The following PPM1F variants were observed in gnomAD, a reference collection of about 807,000 sequenced individuals.
PPM1F encodes the protein protein phosphatase, Mg2+/Mn2+ dependent 1F, also known as protein phosphatase 1F.
Under a neutral mutation model 35.5 loss-of-function variants are expected in PPM1F, and 17 were observed. The ratio of observed to expected loss-of-function variants is 0.48; its 90% CI spans 0.33 to 0.72. PPM1F has a LOEUF of 0.72. Ranked by LOEUF, PPM1F falls within the 30% of genes least tolerant of loss-of-function variation. The pLI, the probability that PPM1F is intolerant of heterozygous loss-of-function variation, is 0.02. For missense variants in PPM1F, 521 were observed against 613.0 expected (o/e 0.85, Z 1.59); for synonymous variants, 241 against 255.5 (o/e 0.94, Z 0.54).
chr22:21,925,533 C>T (rs370309919), intron 7 of PPM1F, 36 bp downstream of exon 7: 1 of 1,597,464 alleles, frequency 6.3e-7, no homozygotes, highest in African/African-American at 1.3e-5. Flanking sequence ...TTCCGAGAGA[C>T]CTTCTCCCAC....
In PPM1F at chr22:21,946,035, G is replaced by A. The variant is rs565255163; in HGVS notation, c.14C>T (p.Ala5Val). MSSG[A>V]PQKSSPMASG... Reference sequence around the variant, plus strand: ...GGCCATTGGGCTGCTCTTCTGTGGGGCTCCAGAGGACATGCCCAAAGCATC... The same window carrying A: ...GGCCATTGGGCTGCTCTTCTGTGGGACTCCAGAGGACATGCCCAAAGCATC... The change falls in exon 2 of 8, where the codon GCC becomes GTC. Residue 5 changes from alanine to valine, a missense_variant. Around this residue, in one of 3 missense-constraint regions of PPM1F, gnomAD observed 311 missense variants for 351.5 expected, o/e 0.88. Transcript: ENST00000263212. 8.4e-6 allele frequency: 13 copies of A among 1,545,926 alleles called. No individual in the cohort carries two copies. The South Asian group carries it at 1.5e-4, about 17-fold the overall frequency.
At chr22:21,933,737 C>T (rs548211608) in intron 4 of PPM1F, among the ~76,000 whole-genome samples, 158 bp from the exon 5 acceptor site, 3 of 152,236 alleles carry the variant, frequency 2.0e-5, no homozygotes, top group African/African-American at 7.2e-5. Context: ...AAGGACAGCT[C>T]GCGGGAGCCT....
At chr22:21,945,789 G>A (rs1319818791) in intron 2 of PPM1F, 54 bp downstream of exon 2, 20 of 1,561,204 alleles carry the variant, frequency 1.3e-5, no homozygotes, top group South Asian at 3.4e-5. Context: ...ATCCCTTGTC[G>A]GCCCTGGTGC....
intron 2 of PPM1F, chr22:21,945,458 A>G (rs1490107651): frequency 9.9e-6 from 2 of 201,378 alleles, no homozygotes; most frequent in East Asian, 1.5e-4. Context: ...AGGCACAGAC[A>G]CACACATGGG....
chr22:21,939,754 C>T lies in PPM1F; in HGVS notation c.207-74G>A. On this transcript the variant is annotated intron_variant, in intron 2 of 7. Coordinates refer to ENST00000263212, the MANE Select transcript of PPM1F (RefSeq NM_014634.4). The surrounding 1 kb of genome is among the most constrained non-coding windows in gnomAD (Gnocchi z 5.1). Reference sequence around the variant, plus strand: ...CACCTAGCCCCCCTTCCCCAACTGTCAGCCCACATGCTGAGGGGTCACGGC... The same window carrying T: ...CACCTAGCCCCCCTTCCCCAACTGTTAGCCCACATGCTGAGGGGTCACGGC... 6.6e-7 allele frequency: 1 copy of T among 1,523,358 alleles called. No individual in the cohort carries two copies. The highest frequency in any genetic ancestry group is 2.5e-5 in the East Asian group (1 of 40,744). 94.4% of individuals were successfully genotyped at this position (1,523,358 alleles called of 1,614,324 possible).
At chr22:21,942,429 C>G (rs992432749) in intron 2 of PPM1F, 2 of 152,230 alleles carry the variant, frequency 1.3e-5, no homozygotes, top group Admixed American at 1.3e-4. Context: ...AGCCACCATG[C>G]TCAGCAGATT....
intron 6 of PPM1F, among the ~76,000 whole-genome samples, chr22:21,930,218 A>C (rs1288620304): frequency 1.3e-5 from 2 of 152,200 alleles, no homozygotes; most frequent in Non-Finnish European, 2.9e-5. Flanking sequence ...GCCTGGTGAG[A>C]CTGTGGGGAA....
chr22:21,935,610 T>A (rs1288402377), intron 3 of PPM1F: 1 of 152,206 alleles, frequency 6.6e-6, no homozygotes, highest in Admixed American at 6.5e-5. Flanking sequence ...GGCTCATGCC[T>A]GTAATCCCAG....
rs142002832 is a variant in PPM1F, at chr22:21,946,005, C to T, written c.44G>A (p.Gly15Glu). ...CAGGAAGCCTGGGGTCTCCTCAGCT[C>T]CACTGGCCATTGGGCTGCTCTTCTG... ...APQKSSPMAS[G>E]AEETPGFLDT... Residue 15 changes from glycine to glutamate, a missense_variant, in exon 2 of 8, where the codon GGA becomes GAA. Transcript: ENST00000263212. 45 of 1,596,828 alleles carry T rather than the reference C, an allele frequency of 2.8e-5. No homozygotes were observed. In the African/African-American group the frequency reaches 5.9e-4, roughly 21 times the overall value.
chr22:21,925,530 A>G (rs771974674), intron 7 of PPM1F, 39 bp downstream of exon 7: 1 of 1,593,058 alleles, frequency 6.3e-7, no homozygotes, highest in East Asian at 2.2e-5. Flanking sequence ...GGCTTCCGAG[A>G]GACCTTCTCC....
At chr22:21,938,457 G>C (rs2070687796) in intron 3 of PPM1F, 2 of 1,133,462 alleles carry the variant, frequency 1.8e-6, no homozygotes, top group Admixed American at 8.9e-5. Flanking sequence ...ACGAGAGCGA[G>C]GAGGAGAGCG....
Position 21,923,108 on chromosome 22 carries a change from G to A in PPM1F, c.1349C>T (p.Ala450Val). 6.2e-7 allele frequency: 1 copy of A among 1,607,516 alleles called. No individual in the cohort carries two copies. The highest frequency in any genetic ancestry group is 8.5e-7 in the Non-Finnish European group (1 of 1,176,944). The change falls in exon 8 of 8, where the codon GCT becomes GTT. Residue 450 changes from alanine to valine, a missense_variant. Coordinates refer to ENST00000263212, the MANE Select transcript of PPM1F (RefSeq NM_014634.4). ...PSSLPEPETQ[A>V]PPRS ...GGAAACCACCTAGCTTCTTGGTGGA[G>A]CCTGGGTCTCAGGTTCTGGAAGGCT...
At position 21,922,941 on chromosome 22, in the gene PPM1F, C is replaced by T. The variant is rs1018454553; in HGVS notation, c.*151G>A. 2.1e-5 allele frequency: 21 copies of T among 1,009,874 alleles called. No homozygotes were observed. The Admixed American group carries it at 2.6e-4, about 12-fold the overall frequency. The allele number at this position is 1,009,874 out of a possible 1,614,324, so 62.6% of individuals were successfully genotyped here. A position where few individuals can be genotyped will look rare whatever the true frequency, so the allele number is the denominator to read the frequency against. ...GTTCCACAGCCACCAGGACGGGCTGCGGGGGGTGTCCCGACTGGCTCTGGG... is the reference window on the plus strand; with the variant it reads ...GTTCCACAGCCACCAGGACGGGCTGTGGGGGGTGTCCCGACTGGCTCTGGG... On this transcript the variant is annotated 3_prime_UTR_variant, in exon 8 of 8. Transcript: ENST00000263212.
In PPM1F at chr22:21,950,901, A is replaced by AG. The variant is rs982685044; in HGVS notation, c.-61+1890dup. On this transcript the variant is annotated intron_variant, in intron 1 of 7. Transcript: ENST00000263212. ...CAGCCTCCCAAAGTGCTGTGATTAC[A>AG]GGTATGAGACACCACGCCTGGCCAA... 10 of 152,166 alleles carry AG rather than the reference A, an allele frequency of 6.6e-5. No homozygotes were observed. The East Asian group carries it at 1.2e-3, about 18-fold the overall frequency. 9.4% of individuals were successfully genotyped at this position (152,166 alleles called of 1,614,324 possible). A position where few individuals can be genotyped will look rare whatever the true frequency, so the allele number is the denominator to read the frequency against.
At chr22:21,927,247 C>T (rs1355737384) in intron 6 of PPM1F, among the ~76,000 whole-genome samples, 2 of 152,128 alleles carry the variant, frequency 1.3e-5, no homozygotes, top group Non-Finnish European at 2.9e-5. Flanking sequence ...AGAAAGGGCA[C>T]GGGGAGAGGC....
At chr22:21,927,937 G>GTTTTTTTTTTTT (rs1392008034) in intron 6 of PPM1F, among the ~76,000 whole-genome samples, 11 of 68,100 alleles carry the variant, frequency 1.6e-4, no homozygotes, top group East Asian at 1.2e-3. Context: ...TCTGTTTTTT[G>GTTTTTTTTTTTT]TTTTGTTTTT....
chr22:21,927,747 G>A (rs953070038), intron 6 of PPM1F, among the ~76,000 whole-genome samples: 3 of 152,194 alleles, frequency 2.0e-5, no homozygotes, highest in Non-Finnish European at 4.4e-5. Flanking sequence ...TGGACAGGCT[G>A]CGCCGGCTCC....
chr22:21,934,300 G>T, intron 3 of PPM1F, 74 bp from the exon 4 acceptor site: 2 of 1,316,974 alleles, frequency 1.5e-6, no homozygotes, highest in African/African-American at 1.5e-5. Flanking sequence ...CTCCCTGACA[G>T]CTCCCACAGG....
chr22:21,937,775 G>A (rs1430472820), intron 3 of PPM1F: 1 of 229,046 alleles, frequency 4.4e-6, no homozygotes, highest in Non-Finnish European at 9.0e-6. Flanking sequence ...CCTAGACTCT[G>A]CTCAGGAAAG....
Sources: gnomAD v4.1 joint callset for allele counts (sites outside exome capture counted in the v4.1 genomes callset) on GRCh38, gnomAD v4.1.1 for gene constraint, gnomAD v4.1.1 regional missense constraint, Gnocchi (gnomAD v3.1) non-coding constraint, MANE v1.5 for transcripts, NCBI Gene and HGNC (gene_info 2026-07-23, HGNC 2026-07-21) for gene names.